MGAM: variants seen among roughly 807,000 people sequenced by gnomAD.
The protein encoded by MGAM is alpha-1,4-glucosidase.
MGAM carries 253 observed loss-of-function variants against 358.8 expected under a neutral mutation model. The ratio of observed to expected loss-of-function variants is 0.71; its 90% confidence interval spans 0.64 to 0.78. MGAM has a LOEUF of 0.78. Among genes scored for constraint, MGAM ranks in the 30% least tolerant of loss-of-function variants. MGAM has a pLI of 0.00. For synonymous variants in MGAM, 1,105 were observed against 1,227.1 expected, an observed-to-expected ratio of 0.90 and a Z score of 2.08; for missense variants, 3,080 against 3,432.6, an observed-to-expected ratio of 0.90 and a Z score of 2.57.
At chr7:142,012,208 T>G (rs2128988317) in intron 3 of MGAM, among the ~76,000 whole-genome samples, 1 of 152,314 alleles carries the variant, frequency 6.6e-6, no homozygotes, top group African/African-American at 2.4e-5. Context: ...CAGGTTCTTT[T>G]GTGCTGCTAT....
chr7:142,082,622 G>A, intron 52 of MGAM, 51 bp downstream of exon 52: 1 of 1,332,556 alleles, frequency 7.5e-7, no homozygotes, highest in Non-Finnish European at 1.0e-6. Flanking sequence ...AGTCATGCCT[G>A]AGTCAGTTTA....
chr7:142,078,993 A>G lies in MGAM; in HGVS notation c.5832A>G (p.Glu1944=). 6.4e-7 allele frequency: 1 copy of G among 1,553,846 alleles called. No individual in the cohort carries two copies. The highest frequency in any genetic ancestry group is 8.8e-7 in the Non-Finnish European group (1 of 1,130,730). ...LRLDVTYHKN[E]MLQFKIYDPN... Reference sequence around the variant, plus strand: ...TGGATGTCACTTACCATAAGAATGAAATGCTACAGTTCAAGGTAAACACGG... The same window carrying G: ...TGGATGTCACTTACCATAAGAATGAGATGCTACAGTTCAAGGTAAACACGG... The change falls in exon 49 of 71, where the codon GAA becomes GAG. Residue 1944 remains glutamate (E), a synonymous_variant. Coordinates refer to ENST00000475668, the MANE Select transcript of MGAM (RefSeq NM_001365693.1).
At chr7:142,051,457 T>C (rs1023196737) in intron 24 of MGAM, among the ~76,000 whole-genome samples, 2 of 152,104 alleles carry the variant, frequency 1.3e-5, no homozygotes, top group Non-Finnish European at 2.9e-5. Flanking sequence ...TAGAATGTGA[T>C]TTTTGTACTC....
chr7:142,033,657 C>G (rs1554464696), intron 14 of MGAM, among the ~76,000 whole-genome samples: 1 of 152,056 alleles, frequency 6.6e-6, no homozygotes, highest in Non-Finnish European at 1.5e-5. Context: ...AGCTACTTAT[C>G]TTTTAGTAAT....
intron 50 of MGAM, among the ~76,000 whole-genome samples, chr7:142,081,786 G>A (rs1372523930): frequency 6.9e-6 from 1 of 145,852 alleles, no homozygotes; most frequent in African/African-American, 2.4e-5. Flanking sequence ...AGCTGTGATG[G>A]TGAGGGGAGC....
At chr7:141,992,687 T>C (rs1316926870), upstream of MGAM, among the ~76,000 whole-genome samples, 1 of 152,178 alleles carries the variant, frequency 6.6e-6, no homozygotes, top group Non-Finnish European at 1.5e-5. Flanking sequence ...GCTCAGGTGA[T>C]ACTCCCACTT....
At position 142,013,481 on chromosome 7, in the gene MGAM, T is replaced by G. The variant is rs376245605; in HGVS notation, c.327+4776T>G. The stretch of plus-strand genomic sequence containing the variant: ...TTTCTTTTTTTTTAAATCTTAGATC[T>G]GCTGTTTCCTAATGCCCTAATGGTT... On this transcript the variant is annotated intron_variant, in intron 3 of 70. Transcript: ENST00000475668. 1.2e-4 allele frequency among the ~76,000 whole-genome samples: 19 copies of G among 152,292 alleles called. No individual in the cohort carries two copies. In the East Asian group the frequency reaches 3.3e-3, roughly 26 times the overall value.
Position 142,067,986 on chromosome 7 carries a change from A to ATTTTTTTTTTTT in MGAM, c.5004+569_5004+580dup, listed in dbSNP as rs71913806. Among the ~76,000 whole-genome samples, 22 of 8,688 alleles carry ATTTTTTTTTTTT rather than the reference A, an allele frequency of 2.5e-3. 3 individuals are homozygous for ATTTTTTTTTTTT. Among genetic ancestry groups the ATTTTTTTTTTTT allele is most frequent in the Middle Eastern group, 0.071 (1 of 14 alleles). 5.7% of individuals were successfully genotyped at this position (8,688 alleles called of 152,430 possible). A position where few individuals can be genotyped will look rare whatever the true frequency, so the allele number is the denominator to read the frequency against. On this transcript the variant is annotated intron_variant, in intron 42 of 70. Coordinates refer to ENST00000475668, the MANE Select transcript of MGAM (RefSeq NM_001365693.1). The stretch of plus-strand genomic sequence containing the variant: ...TATAAATATATATATATATATATAT[A>ATTTTTTTTTTTT]TTTTTTTTTTTTTTTTTTTGAGACA...
chr7:142,025,061 T>C lies in MGAM; in HGVS notation c.894T>C (p.Asn298=), dbSNP rs782799122. ...RDTTPNGNGT[N]LYGAQTFFLC... is the part of the protein sequence containing the mutation. ...TTCTCTTTCTGCAGAACGGAACTAA[T>C]TTGTATGGTGCGCAGACATTCTTCT... The change falls in exon 8 of 71, where the codon AAT becomes AAC. Residue 298 remains asparagine, a synonymous_variant. Coordinates refer to ENST00000475668, the MANE Select transcript of MGAM (RefSeq NM_001365693.1). The C allele has an allele frequency of 6.2e-7, 1 of 1,613,438 alleles. No individual in the cohort carries two copies. Among genetic ancestry groups the C allele is most frequent in the Non-Finnish European group, 8.5e-7 (1 of 1,179,466 alleles).
chr7:142,073,762 A>G lies in MGAM; in HGVS notation c.5187-323A>G, dbSNP rs1157371627. On this transcript the variant is annotated intron_variant, in intron 44 of 70. Coordinates refer to ENST00000475668, the MANE Select transcript of MGAM (RefSeq NM_001365693.1). ...GATCTGACTGAACCAGTTATTGCCT[A>G]AGATTTCTTTCTCTTCTCATACTCT... Among the ~76,000 whole-genome samples, 4 of 146,008 alleles carry G rather than the reference A, an allele frequency of 2.7e-5. 1 individual carries two copies. The East Asian group carries it at 6.1e-4, about 22-fold the overall frequency.
chr7:142,019,848 C>T (rs1395615151), intron 4 of MGAM, among the ~76,000 whole-genome samples: 1 of 152,126 alleles, frequency 6.6e-6, no homozygotes. Context: ...GTGGATAGAT[C>T]ACCTGAGCTC....
chr7:142,033,851 A>G (rs902076563), intron 14 of MGAM, among the ~76,000 whole-genome samples: 1 of 152,184 alleles, frequency 6.6e-6, no homozygotes, highest in African/African-American at 2.4e-5. Flanking sequence ...ATAGATGAAT[A>G]CAGGAGAGAC....
chr7:142,058,081 G>A (rs1346476034), intron 30 of MGAM, 122 bp from the exon 31 acceptor site: 54 of 1,484,394 alleles, frequency 3.6e-5, no homozygotes, highest in South Asian at 7.8e-5. Context: ...GTCAGTTTTG[G>A]TCTGGATTTC....
At chr7:142,040,629 A>G (rs2129011434) in intron 20 of MGAM, 93 bp from the exon 21 acceptor site, 2 of 1,464,448 alleles carry the variant, frequency 1.4e-6, no homozygotes, top group Non-Finnish European at 9.2e-7. Context: ...TAATTGGAAA[A>G]GGGAGAGAGC....
At chr7:142,054,148 C>T (rs772258122) in intron 26 of MGAM, among the ~76,000 whole-genome samples, 7 of 152,218 alleles carry the variant, frequency 4.6e-5, no homozygotes, top group East Asian at 1.9e-4. Flanking sequence ...CATTTCCTTC[C>T]CTAGAATCTC....
intron 9 of MGAM, 83 bp from the exon 10 acceptor site, chr7:142,027,527 T>G (rs1430776851): frequency 7.0e-7 from 1 of 1,430,324 alleles, no homozygotes; most frequent in East Asian, 2.3e-5. Context: ...TGGACTATGT[T>G]TGGTGCTCTG....
chr7:142,034,645 C>T (rs782255718), intron 15 of MGAM, 25 bp from the exon 16 acceptor site: 3 of 1,602,510 alleles, frequency 1.9e-6, no homozygotes, highest in Admixed American at 3.4e-5. Context: ...CCCACATTGA[C>T]TCCTTAAATC....
At position 142,067,418 on chromosome 7, in the gene MGAM, T is replaced by A. The variant is rs1205488601; in HGVS notation, c.4997T>A (p.Leu1666Gln). 1.9e-6 allele frequency: 3 copies of A among 1,551,710 alleles called. No individual in the cohort carries two copies. The change falls in exon 42 of 71, where the codon CTG becomes CAG. Residue 1666 changes from leucine (L) to glutamine (Q), a missense_variant. Physicochemically the swap from Leu to Gln is moderately radical, Grantham distance 113. Transcript: ENST00000475668. ...LGPAFLVSPV[L>Q]ERNARNVTAY... is the part of the protein sequence containing the mutation. ...CCAGCCTTCCTGGTCAGCCCTGTCC[T>A]GGAGCGCGTGAGTATGGAGGCCTCC...
At chr7:142,000,658 C>T (rs540047635) in intron 1 of MGAM, among the ~76,000 whole-genome samples, 1 of 152,166 alleles carries the variant, frequency 6.6e-6, no homozygotes, top group African/African-American at 2.4e-5. Context: ...TGATTGCTGT[C>T]TCTATGGATA....
Sources: allele counts gnomAD v4.1 joint callset (sites outside exome capture counted in the v4.1 genomes callset), GRCh38; gene constraint gnomAD v4.1.1; transcripts MANE v1.5; gene names NCBI Gene and HGNC (gene_info 2026-07-23, HGNC 2026-07-21).